ZCCHC4: variants seen among roughly 807,000 people sequenced by gnomAD.
The protein encoded by ZCCHC4 is rRNA N(6)-adenosine-methyltransferase ZCCHC4.
ZCCHC4 carries 54 observed loss-of-function variants against 67.7 expected under a neutral mutation model. The observed-to-expected ratio is 0.80, with a 90% CI of 0.64 to 1.00. ZCCHC4 has a LOEUF of 1.00. Ranked by LOEUF, ZCCHC4 falls within the 50% of genes least tolerant of loss-of-function variation. The probability of loss-of-function intolerance (pLI) is 0.00; values close to 1 mark genes in which losing one functional copy is unlikely to be tolerated. For missense variants in ZCCHC4, 609 were observed against 617.0 expected, an observed-to-expected ratio of 0.99 and a Z score of 0.14; for synonymous variants, 198 against 213.5, an observed-to-expected ratio of 0.93 and a Z score of 0.63.
At chr4:25,350,362 G>A (rs1720246114) in intron 7 of ZCCHC4, among the ~76,000 whole-genome samples, 1 of 143,672 alleles carries the variant, frequency 7.0e-6, no homozygotes. Flanking sequence ...CCAGGTTCAA[G>A]CGATTCTTCT....
chr4:25,332,416 A>G (rs1374638708), intron 3 of ZCCHC4, among the ~76,000 whole-genome samples: 1 of 151,508 alleles, frequency 6.6e-6, no homozygotes, highest in Non-Finnish European at 1.5e-5. Flanking sequence ...CCTCAATCAT[A>G]TTATTTATTT....
chr4:25,364,352 A>G, intron 10 of ZCCHC4, 102 bp from the exon 11 acceptor site: 1 of 911,286 alleles, frequency 1.1e-6, no homozygotes, highest in South Asian at 2.5e-5. Context: ...AGGAGTGAAT[A>G]ATTTACACAG....
Position 25,333,295 on chromosome 4 carries a change from A to G in ZCCHC4, c.442A>G (p.Asn148Asp). 1.2e-6 allele frequency: 2 copies of G among 1,614,164 alleles called. No individual in the cohort carries two copies. The highest frequency in any genetic ancestry group is 2.2e-5 in the South Asian group (2 of 91,084). The change falls in exon 4 of 13, where the codon AAT becomes GAT. Residue 148 changes from asparagine to aspartate, a missense_variant. Physicochemically the swap from Asn to Asp is conservative, Grantham distance 23. Coordinates refer to ENST00000302874, the MANE Select transcript of ZCCHC4 (RefSeq NM_024936.3). Reference protein sequence around the residue: ...GQHSEHQVLGNVSITQLRRPS... With the variant: ...GQHSEHQVLGDVSITQLRRPS... ...ACATAGTGAGCATCAGGTTCTGGGT[A>G]ATGTGTCCATTACCCAGTTAAGAAG... is the stretch of plus-strand genomic sequence containing the variant.
chr4:25,357,620 T>C (rs1720567311), intron 8 of ZCCHC4, among the ~76,000 whole-genome samples: 1 of 152,236 alleles, frequency 6.6e-6, no homozygotes, highest in African/African-American at 2.4e-5. Context: ...TCTCTTTCCC[T>C]TGTCCTCAAT....
chr4:25,350,300 A>C (rs1720240099), intron 7 of ZCCHC4, among the ~76,000 whole-genome samples: 1 of 121,696 alleles, frequency 8.2e-6, no homozygotes, highest in Non-Finnish European at 1.6e-5. Context: ...TCACTCTGTC[A>C]CCCAGTCTGG....
At chr4:25,355,875 G>A (rs1181796140) in intron 8 of ZCCHC4, among the ~76,000 whole-genome samples, 1 of 152,226 alleles carries the variant, frequency 6.6e-6, no homozygotes, top group Non-Finnish European at 1.5e-5. Context: ...GTAGAAGCTG[G>A]TTGCTGGAGC....
At position 25,333,584 on chromosome 4, in the gene ZCCHC4, G is replaced by A. The variant is rs977600799; in HGVS notation, c.605+126G>A. ...AAGCTTTGAGTATTTAAAATGTAAA[G>A]CACAGTCCCTCTCTTAAGGAGTTTG... On this transcript the variant is annotated intron_variant, in intron 4 of 12. Coordinates refer to ENST00000302874, the MANE Select transcript of ZCCHC4 (RefSeq NM_024936.3). 5.6e-6 allele frequency: 6 copies of A among 1,071,652 alleles called. No homozygotes were observed. In the African/African-American group the frequency reaches 9.5e-5, roughly 17 times the overall value. 66.4% of individuals were successfully genotyped at this position (1,071,652 alleles called of 1,614,324 possible).
intron 6 of ZCCHC4, among the ~76,000 whole-genome samples, chr4:25,349,104 C>T (rs115693043): frequency 0.026 from 3,907 of 152,154 alleles, 69 homozygotes; most frequent in African/African-American, 0.049. Flanking sequence ...ATGTTTTCTT[C>T]GTCTTTGTGT....
Position 25,369,443 on chromosome 4 carries a change from A to AT in ZCCHC4, c.*287dup, listed in dbSNP as rs977016566. 7.0e-5 allele frequency: 24 copies of AT among 342,400 alleles called. No homozygotes were observed. The highest frequency in any genetic ancestry group is 1.4e-4 in the East Asian group (2 of 14,250). The allele number at this position is 342,400 out of a possible 1,614,324, so 21.2% of individuals were successfully genotyped here. Reference sequence around the variant, plus strand: ...CACATTGTTCTATTTTTATGTTTTCATTTTTTTTGAGATGGAGTCTTGCTC... The same window carrying AT: ...CACATTGTTCTATTTTTATGTTTTCATTTTTTTTTGAGATGGAGTCTTGCTC... On this transcript the variant is annotated 3_prime_UTR_variant, in exon 13 of 13. Transcript: ENST00000302874.
chr4:25,348,549 C>T (rs1720133337), intron 6 of ZCCHC4, among the ~76,000 whole-genome samples: 1 of 152,054 alleles, frequency 6.6e-6, no homozygotes, highest in African/African-American at 2.4e-5. Context: ...TGTCATTATT[C>T]CCTAAACCAT....
At chr4:25,349,699 A>G in intron 7 of ZCCHC4, 57 bp downstream of exon 7, 1 of 1,555,584 alleles carries the variant, frequency 6.4e-7, no homozygotes, top group Non-Finnish European at 8.8e-7. Context: ...TTCCTGTCAA[A>G]TATTAGCTGA....
At position 25,329,757 on chromosome 4, in the gene ZCCHC4, T is replaced by C. The variant is rs544318256; in HGVS notation, c.330-3426T>C. On this transcript the variant is annotated intron_variant, in intron 3 of 12. Transcript: ENST00000302874. ...ATCATGTTGGCCAGGATGGTCTCGA[T>C]CTCTTGACCTCATGATCTGCCTGCC... is the stretch of plus-strand genomic sequence containing the variant. 4.0e-5 allele frequency among the ~76,000 whole-genome samples: 6 copies of C among 151,452 alleles called. No homozygotes were observed. The South Asian group carries it at 1.3e-3, about 32-fold the overall frequency.
intron 11 of ZCCHC4, among the ~76,000 whole-genome samples, chr4:25,364,799 T>C (rs979104494): frequency 8.5e-5 from 13 of 152,210 alleles, no homozygotes; most frequent in South Asian, 2.1e-4. Flanking sequence ...TCATAACTCA[T>C]TGGAGAAGGG....
In ZCCHC4 at chr4:25,362,360, C is replaced by G. The variant is rs1720777261; in HGVS notation, c.1209+59C>G. 7 of 1,171,828 alleles carry G rather than the reference C, an allele frequency of 6.0e-6. No homozygotes were observed. The African/African-American group carries it at 7.9e-5, about 13-fold the overall frequency. The allele number at this position is 1,171,828 out of a possible 1,614,324, so 72.6% of individuals were successfully genotyped here. The stretch of plus-strand genomic sequence containing the variant: ...GATATATTCATTTTATTTTAGTTTA[C>G]TAGTTTTATTACTTTTTCAATGTTA... On this transcript the variant is annotated intron_variant, in intron 10 of 12. Transcript: ENST00000302874.
In ZCCHC4 at chr4:25,354,739, C is replaced by A. The variant is rs967930745; in HGVS notation, c.1011+3050C>A. ...TCTCGAACTCCTGGGCTGAAGCGAG[C>A]CTCTCACCTCAGCCTCCCAAAGTGC... On this transcript the variant is annotated intron_variant, in intron 8 of 12. Transcript: ENST00000302874. Among the ~76,000 whole-genome samples, 8 of 151,936 alleles carry A rather than the reference C, an allele frequency of 5.3e-5. No homozygotes were observed. In the East Asian group the frequency reaches 1.5e-3, roughly 29 times the overall value.
rs765831516 is a variant in ZCCHC4 at position 25,365,127 on chromosome 4, G to A, written c.1367G>A (p.Ser456Asn). 71 of 1,614,026 alleles carry A rather than the reference G, an allele frequency of 4.4e-5. No individual in the cohort carries two copies. Among genetic ancestry groups the A allele is most frequent in the Non-Finnish European group, 5.8e-5 (68 of 1,180,008 alleles). The change falls in exon 12 of 13, where the codon AGT (serine) becomes AAT (asparagine). Residue 456 changes from serine (S) to asparagine (N), a missense_variant. Transcript: ENST00000302874. ...TGTGGTGAACTGGATCATAAACGCA[G>A]TACTTGTCCTAACATTGCTACATCT... ...FICGELDHKRSTCPNIATSKR... is the reference protein window; with the variant it reads ...FICGELDHKRNTCPNIATSKR...
chr4:25,350,417 T>G (rs1720250195), intron 7 of ZCCHC4, among the ~76,000 whole-genome samples: 1 of 152,010 alleles, frequency 6.6e-6, no homozygotes, highest in Non-Finnish European at 1.5e-5. Flanking sequence ...TGTGCCACCA[T>G]GCCCACCTAA....
At chr4:25,346,290 A>C (rs1720017402) in intron 6 of ZCCHC4, among the ~76,000 whole-genome samples, 1 of 152,208 alleles carries the variant, frequency 6.6e-6, no homozygotes, top group African/African-American at 2.4e-5. Flanking sequence ...TTTGAGGTTA[A>C]TAATGTCACT....
intron 6 of ZCCHC4, among the ~76,000 whole-genome samples, chr4:25,347,508 T>G (rs1053316340): frequency 6.6e-6 from 1 of 152,220 alleles, no homozygotes; most frequent in Admixed American, 6.5e-5. Flanking sequence ...TAAATAGCAC[T>G]GCAGCTGTAG....
Sources: allele counts gnomAD v4.1 joint callset (sites outside exome capture counted in the v4.1 genomes callset), GRCh38; gene constraint gnomAD v4.1.1; transcripts MANE v1.5; gene names NCBI Gene and HGNC (gene_info 2026-07-23, HGNC 2026-07-21).